Variants in HDAC9 observed in about 807,000 individuals in gnomAD.
The protein encoded by HDAC9 is histone deacetylase 9.
A neutral mutation model predicts 139.4 loss-of-function variants in HDAC9; 41 were observed. The observed-to-expected ratio is 0.29, with a 90% CI of 0.23 to 0.38. The LOEUF (loss-of-function observed/expected upper bound fraction) is 0.38, where lower values mean the gene tolerates loss of function less well. Among genes scored for constraint, HDAC9 ranks in the 10% least tolerant of loss-of-function variants. The probability of loss-of-function intolerance (pLI) is 1.00; values close to 1 mark genes in which losing one functional copy is unlikely to be tolerated. For missense variants in HDAC9, 1,147 were observed against 1,297.0 expected, an observed-to-expected ratio of 0.88 and a Z score of 1.78; for synonymous variants, 517 against 476.2, an observed-to-expected ratio of 1.09 and a Z score of -1.12.
chr7:18,452,929 T>C (rs1400992145), intron 1 of HDAC9, among the ~76,000 whole-genome samples: 2 of 152,182 alleles, frequency 1.3e-5, no homozygotes, highest in African/African-American at 4.8e-5. Context: ...AATACAATAA[T>C]ATAAACTTGG....
intron 1 of HDAC9, among the ~76,000 whole-genome samples, chr7:18,360,088 CT>C (rs1783658115): frequency 6.6e-6 from 1 of 152,208 alleles, no homozygotes; most frequent in African/African-American, 2.4e-5. Context: ...CTCTTCTGCT[CT>C]TCTTGTTCTA....
chr7:18,653,019 C>G (rs1179974551), intron 11 of HDAC9, among the ~76,000 whole-genome samples: 1 of 151,916 alleles, frequency 6.6e-6, no homozygotes, highest in East Asian at 1.9e-4. Flanking sequence ...GGTGGATAAG[C>G]TGAGGTGGGG....
At chr7:18,584,808 A>G (rs1828956349) in intron 2 of HDAC9, among the ~76,000 whole-genome samples, 1 of 152,196 alleles carries the variant, frequency 6.6e-6, no homozygotes. Context: ...TTATATTACA[A>G]CCTTTACTTT....
intron 1 of HDAC9, among the ~76,000 whole-genome samples, chr7:18,099,076 T>C (rs1782688558): frequency 6.6e-6 from 1 of 152,182 alleles, no homozygotes; most frequent in Non-Finnish European, 1.5e-5. Context: ...ATCTCCTATT[T>C]ATCTATTTGA....
intron 2 of HDAC9, among the ~76,000 whole-genome samples, chr7:18,215,752 T>TG (rs1171495597): frequency 6.6e-6 from 1 of 152,138 alleles, no homozygotes; most frequent in Non-Finnish European, 1.5e-5. Flanking sequence ...CTTCATCTCA[T>TG]GGGGGTCTTT....
At chr7:18,314,984 C>T (rs1246288204) in intron 1 of HDAC9, among the ~76,000 whole-genome samples, 4 of 152,038 alleles carry the variant, frequency 2.6e-5, no homozygotes, top group Non-Finnish European at 4.4e-5. Flanking sequence ...TTCAATGGTT[C>T]GCAGCAACGT....
chr7:18,177,280 G>A (rs948328735), intron 2 of HDAC9, among the ~76,000 whole-genome samples: 2 of 152,130 alleles, frequency 1.3e-5, no homozygotes, highest in African/African-American at 2.4e-5. Context: ...GCTTGAAGAC[G>A]GATGGATCTG....
intron 12 of HDAC9, among the ~76,000 whole-genome samples, chr7:18,693,830 C>T (rs1302067586): frequency 6.6e-6 from 1 of 152,180 alleles, no homozygotes; most frequent in Non-Finnish European, 1.5e-5. Context: ...TTACAAACCA[C>T]ATTTAATATG....
chr7:18,140,311 G>A (rs1785806009), intron 1 of HDAC9, among the ~76,000 whole-genome samples: 1 of 151,998 alleles, frequency 6.6e-6, no homozygotes, highest in African/African-American at 2.4e-5. Context: ...AGACAGAACT[G>A]GCAAAAGAAG....
chr7:18,767,858 A>T (rs1020269880), intron 16 of HDAC9, among the ~76,000 whole-genome samples: 2 of 152,228 alleles, frequency 1.3e-5, no homozygotes, highest in African/African-American at 4.8e-5. Context: ...ACATAATTCT[A>T]GGTGAAGTTT....
intron 1 of HDAC9, among the ~76,000 whole-genome samples, chr7:18,471,874 A>C (rs1163650572): frequency 6.6e-6 from 1 of 152,214 alleles, no homozygotes; most frequent in Non-Finnish European, 1.5e-5. Context: ...AGGAAGATGC[A>C]ACTAGTTTAG....
intron 1 of HDAC9, among the ~76,000 whole-genome samples, chr7:18,359,165 A>G (rs1248758117): frequency 6.6e-6 from 1 of 152,104 alleles, no homozygotes; most frequent in Non-Finnish European, 1.5e-5. Context: ...ATATCGGCCC[A>G]GACAACATGG....
At chr7:18,815,340 T>A (rs1794485906) in intron 17 of HDAC9, among the ~76,000 whole-genome samples, 1 of 151,754 alleles carries the variant, frequency 6.6e-6, no homozygotes, top group Non-Finnish European at 1.5e-5. Flanking sequence ...TTGGGCCTTA[T>A]GTCAAATAAA....
intron 1 of HDAC9, among the ~76,000 whole-genome samples, chr7:18,419,722 G>T (rs1270684012): frequency 6.6e-6 from 1 of 152,060 alleles, no homozygotes; most frequent in African/African-American, 2.4e-5. Context: ...CCAGAAGTGT[G>T]ACCCATTTTT....
chr7:18,185,682 C>T (rs1789853150), intron 2 of HDAC9, among the ~76,000 whole-genome samples: 1 of 152,098 alleles, frequency 6.6e-6, no homozygotes, highest in Admixed American at 6.5e-5. Context: ...TATTAAATCT[C>T]AGCTATGGGC....
intron 12 of HDAC9, among the ~76,000 whole-genome samples, chr7:18,714,019 A>C (rs1462714329): frequency 6.6e-6 from 1 of 152,214 alleles, no homozygotes; most frequent in Admixed American, 6.5e-5. Context: ...TAATTAGATT[A>C]GTCTTTTTTG....
chr7:18,743,561 C>G (rs1053188452), intron 13 of HDAC9, among the ~76,000 whole-genome samples: 5 of 149,858 alleles, frequency 3.3e-5, no homozygotes, highest in African/African-American at 1.2e-4. Flanking sequence ...AGATAGTTAT[C>G]ACACCACTAC....
chr7:18,364,135 G>A (rs1195251032), intron 1 of HDAC9, among the ~76,000 whole-genome samples: 1 of 152,004 alleles, frequency 6.6e-6, no homozygotes, highest in East Asian at 1.9e-4. Flanking sequence ...ATGCAAAGTT[G>A]GCGTCACTGA....
rs1782978967 is a variant in HDAC9 at position 18,954,005 on chromosome 7, G to A, written c.2938-141G>A. On this transcript the variant is annotated intron_variant, in intron 23 of 25. Transcript: ENST00000686413. ...GAAAATAAAACTGGCTACACTTCTA[G>A]AACTAATATCAGCAAAATGTTAACT... The A allele has an allele frequency of 6.1e-5, 39 of 641,510 alleles. No homozygotes were observed. In the South Asian group the frequency reaches 7.1e-4, roughly 12 times the overall value. 39.7% of individuals were successfully genotyped at this position (641,510 alleles called of 1,614,324 possible). A position where few individuals can be genotyped will look rare whatever the true frequency, so the allele number is the denominator to read the frequency against.
Sources: gnomAD v4.1 joint callset for allele counts (sites outside exome capture counted in the v4.1 genomes callset) on GRCh38, gnomAD v4.1.1 for gene constraint, MANE v1.5 for transcripts, NCBI Gene and HGNC (gene_info 2026-07-23, HGNC 2026-07-21) for gene names.